The following UNKL variants were observed in gnomAD, a reference collection of about 807,000 sequenced individuals.
The protein encoded by UNKL is putative E3 ubiquitin-protein ligase UNKL.
Under a neutral mutation model 78.0 loss-of-function variants are expected in UNKL, and 60 were observed. That is an observed-to-expected ratio of 0.77 (90% confidence interval 0.63 to 0.95). UNKL has a LOEUF of 0.95. UNKL is among the 40% of genes least tolerant of loss of function. The pLI, the probability that UNKL is intolerant of heterozygous loss-of-function variation, is 0.00. For synonymous variants in UNKL, 608 were observed against 474.8 expected, an observed-to-expected ratio of 1.28 and a Z score of -3.65; for missense variants, 1,159 against 1,045.7, an observed-to-expected ratio of 1.11 and a Z score of -1.49.
chr16:1,395,692 T>C, intron 6 of UNKL: 1 of 456,494 alleles, frequency 2.2e-6, no homozygotes. Flanking sequence ...GGATTTATGG[T>C]GCGGCTGTGG....
At chr16:1,411,270 G>C (rs981703593) in intron 2 of UNKL, among the ~76,000 whole-genome samples, 2 of 152,166 alleles carry the variant, frequency 1.3e-5, no homozygotes, top group African/African-American at 4.8e-5. Context: ...AGAATCACTT[G>C]AGCCCAGGAG....
intron 4 of UNKL, among the ~76,000 whole-genome samples, chr16:1,400,940 C>T (rs535561130): frequency 1.4e-4 from 22 of 152,324 alleles, no homozygotes; most frequent in African/African-American, 1.2e-4. Flanking sequence ...CTGCCCGCCT[C>T]GGCCTCCCAA....
At chr16:1,379,541 G>C (rs1399755969) in intron 10 of UNKL, 1 of 985,276 alleles carries the variant, frequency 1.0e-6, no homozygotes, top group Non-Finnish European at 1.2e-6. Context: ...ACCTGGCGGG[G>C]GGCGCACCTA....
chr16:1,412,224 A>G (rs1248661300), intron 2 of UNKL: 1 of 152,270 alleles, frequency 6.6e-6, no homozygotes, highest in African/African-American at 2.4e-5. Flanking sequence ...TGCATACTTC[A>G]GAATAAAGAC....
intron 8 of UNKL, among the ~76,000 whole-genome samples, chr16:1,391,647 C>A (rs1159407739): frequency 1.3e-5 from 2 of 151,996 alleles, no homozygotes; most frequent in South Asian, 2.1e-4. Flanking sequence ...GATGCCTGAA[C>A]CTGCTGGCTC....
At chr16:1,368,622 A>AC (rs2035512737) in intron 12 of UNKL, among the ~76,000 whole-genome samples, 6 of 148,452 alleles carry the variant, frequency 4.0e-5, no homozygotes, top group Middle Eastern at 3.6e-3. Flanking sequence ...AAAAAAAAAA[A>AC]AAAAAAAAAA....
intron 7 of UNKL, 140 bp downstream of exon 7, chr16:1,393,991 C>T: frequency 1.2e-6 from 1 of 837,270 alleles, no homozygotes; most frequent in Non-Finnish European, 1.9e-6. Context: ...TCAGGGACCC[C>T]CAGCCCCCAA....
intron 10 of UNKL, among the ~76,000 whole-genome samples, chr16:1,372,472 C>G (rs2035937384): frequency 6.6e-6 from 1 of 152,030 alleles, no homozygotes; most frequent in Admixed American, 6.5e-5. Context: ...CGTGGGGCTG[C>G]CCTCCTGCAC....
intron 14 of UNKL, among the ~76,000 whole-genome samples, 185 bp from the exon 15 acceptor site, chr16:1,366,580 G>A (rs2141902864): frequency 6.6e-6 from 1 of 152,196 alleles, no homozygotes; most frequent in East Asian, 1.9e-4. Flanking sequence ...GGGGTCAGGG[G>A]GTATGCTCTG....
rs200304747 is a variant in UNKL at position 1,370,102 on chromosome 16, C to T, written c.1585+28G>A. ...GAGCCCCACGGAGGCTTCACGGCAA[C>T]GCCAGCATGGAGGGAGCCGGCACTC... On this transcript the variant is annotated intron_variant, in intron 12 of 14. Coordinates refer to ENST00000389221, the MANE Select transcript of UNKL (RefSeq NM_001372107.1). The T allele has an allele frequency of 3.1e-5, 48 of 1,540,894 alleles. No individual in the cohort carries two copies. In the East Asian group the frequency reaches 8.6e-4, roughly 28 times the overall value.
At chr16:1,366,514 G>C in intron 14 of UNKL, 119 bp from the exon 15 acceptor site, 2 of 1,324,214 alleles carry the variant, frequency 1.5e-6, no homozygotes, top group East Asian at 2.6e-5. Flanking sequence ...ACCAGCTACA[G>C]AGACAGGGTC....
intron 10 of UNKL, 127 bp downstream of exon 10, chr16:1,385,081 C>G (rs746802690): frequency 2.7e-6 from 2 of 742,526 alleles, no homozygotes; most frequent in East Asian, 7.2e-5. Flanking sequence ...ACTGAAAATA[C>G]GCGTCTGGCT....
intron 9 of UNKL, among the ~76,000 whole-genome samples, 154 bp downstream of exon 9, chr16:1,390,478 C>T (rs1192453062): frequency 2.0e-5 from 3 of 152,194 alleles, no homozygotes; most frequent in South Asian, 2.1e-4. Flanking sequence ...AACAAGCGGA[C>T]GTCAACCAGA....
intron 2 of UNKL, chr16:1,405,966 G>A (rs1165194224): frequency 4.4e-6 from 2 of 456,638 alleles, no homozygotes; most frequent in African/African-American, 4.0e-5. Context: ...CGAGCCACAT[G>A]CATCAAAATC....
Position 1,385,371 on chromosome 16 carries a change from C to G in UNKL, c.1101G>C (p.Val367=). 1 of 1,403,932 alleles carries G rather than the reference C, an allele frequency of 7.1e-7. No individual in the cohort carries two copies. The highest frequency in any genetic ancestry group is 9.2e-7 in the Non-Finnish European group (1 of 1,081,640). The allele number at this position is 1,403,932 out of a possible 1,614,324, so 87.0% of individuals were successfully genotyped here. A position where few individuals can be genotyped will look rare whatever the true frequency, so the allele number is the denominator to read the frequency against. The part of the protein sequence containing the change: ...EQDSKQNHLA[V]FAAVHPPAPS... Reference sequence around the variant, plus strand: ...GGGCCGGCGGGTGGACCGCTGCAAACACGGCCAGGTGGTTCTGTTCAAAGA... The same window carrying G: ...GGGCCGGCGGGTGGACCGCTGCAAAGACGGCCAGGTGGTTCTGTTCAAAGA... Residue 367 remains valine, a synonymous_variant, in exon 10 of 15, where the codon GTG becomes GTC. Coordinates refer to ENST00000389221, the MANE Select transcript of UNKL (RefSeq NM_001372107.1).
intron 10 of UNKL, among the ~76,000 whole-genome samples, chr16:1,377,681 G>A (rs1309693158): frequency 2.0e-5 from 3 of 152,144 alleles, no homozygotes; most frequent in African/African-American, 7.2e-5. Context: ...CCTGTGGCCT[G>A]GACCCGCCCA....
intron 4 of UNKL, among the ~76,000 whole-genome samples, chr16:1,400,644 A>G (rs1281233195): frequency 6.6e-6 from 1 of 151,936 alleles, no homozygotes; most frequent in African/African-American, 2.4e-5. Flanking sequence ...GCTAAATGCC[A>G]CTGGACTGTA....
At chr16:1,390,558 C>G in intron 9 of UNKL, 74 bp downstream of exon 9, 1 of 1,480,202 alleles carries the variant, frequency 6.8e-7, no homozygotes, top group South Asian at 1.2e-5. Context: ...TGCCACGGGT[C>G]AGGCACGAGG....
Position 1,390,597 on chromosome 16 carries a change from C to G in UNKL, c.1086+35G>C, listed in dbSNP as rs1179885672. On this transcript the variant is annotated intron_variant, in intron 9 of 14. Coordinates refer to ENST00000389221, the MANE Select transcript of UNKL (RefSeq NM_001372107.1). ...GGAAGCCTCAGCCCTAACGCGACAT[C>G]AGGCACGAGGGTGGGAAACCTTGGG... The G allele has an allele frequency of 2.6e-6, 4 of 1,534,854 alleles. No individual in the cohort carries two copies. The East Asian group carries it at 7.3e-5, about 28-fold the overall frequency.
Sources: allele counts gnomAD v4.1 joint callset (sites outside exome capture counted in the v4.1 genomes callset), GRCh38; gene constraint gnomAD v4.1.1; transcripts MANE v1.5; gene names NCBI Gene and HGNC (gene_info 2026-07-23, HGNC 2026-07-21).